Variants in EMP2 observed in about 807,000 individuals in gnomAD.
EMP2 encodes the protein epithelial membrane protein 2.
In EMP2, 19 loss-of-function variants were observed where a neutral mutation model predicts 13.7. That is an observed-to-expected ratio of 1.38 (90% CI 0.97 to 2.03). The LOEUF (loss-of-function observed/expected upper bound fraction) is 2.03. Among genes scored for constraint, EMP2 ranks in the 30% most tolerant of loss-of-function variants. The pLI, the probability that EMP2 is intolerant of heterozygous loss-of-function variation, is 0.00. For missense variants in EMP2, 253 were observed against 220.7 expected (o/e 1.15, Z -0.93); for synonymous variants, 97 against 84.7 (o/e 1.15, Z -0.80).
chr16:10,555,198 C>T (rs1340331856), intron 1 of EMP2, among the ~76,000 whole-genome samples: 1 of 152,214 alleles, frequency 6.6e-6, no homozygotes, highest in Non-Finnish European at 1.5e-5. Flanking sequence ...ATCACCCTAT[C>T]TCAGTGGGAT....
At chr16:10,543,142 C>T (rs969628163) in intron 3 of EMP2, among the ~76,000 whole-genome samples, 1 of 152,152 alleles carries the variant, frequency 6.6e-6, no homozygotes, top group Non-Finnish European at 1.5e-5. Flanking sequence ...CACTGAGCCC[C>T]GCCAGATCTC....
At chr16:10,575,278 G>C (rs1204143295) in intron 1 of EMP2, among the ~76,000 whole-genome samples, 2 of 56,550 alleles carry the variant, frequency 3.5e-5, no homozygotes, top group African/African-American at 1.3e-4. Context: ...TTTTGAGACA[G>C]AGTCTCGCTC....
intron 4 of EMP2, among the ~76,000 whole-genome samples, chr16:10,535,640 G>A (rs2050641250): frequency 6.6e-6 from 1 of 152,092 alleles, no homozygotes; most frequent in Admixed American, 6.5e-5. Flanking sequence ...AGCCCTGGAG[G>A]CCGAGGCTGC....
chr16:10,538,162 G>A (rs2050665583), intron 3 of EMP2, 88 bp from the exon 4 acceptor site: 4 of 1,515,678 alleles, frequency 2.6e-6, no homozygotes, highest in South Asian at 2.4e-5. Context: ...CTCCAGAGTA[G>A]GTGTGACAGG....
chr16:10,556,594 G>C (rs1034656702), intron 1 of EMP2, among the ~76,000 whole-genome samples: 8 of 152,216 alleles, frequency 5.3e-5, no homozygotes, highest in Non-Finnish European at 1.0e-4. Flanking sequence ...CAGATCCCTG[G>C]GGAAGGGGTG....
chr16:10,552,386 T>C (rs2050795069), intron 1 of EMP2, among the ~76,000 whole-genome samples: 1 of 152,202 alleles, frequency 6.6e-6, no homozygotes, highest in Non-Finnish European at 1.5e-5. Context: ...AGGATGGAAT[T>C]AAAATGTTAT....
chr16:10,556,830 A>G (rs2050831809), intron 1 of EMP2, among the ~76,000 whole-genome samples: 1 of 152,216 alleles, frequency 6.6e-6, no homozygotes, highest in Non-Finnish European at 1.5e-5. Flanking sequence ...AGTTCCAAAT[A>G]CAGGGCATTT....
chr16:10,563,825 G>A (rs888687268), intron 1 of EMP2, among the ~76,000 whole-genome samples: 1 of 152,256 alleles, frequency 6.6e-6, no homozygotes, highest in African/African-American at 2.4e-5. Context: ...ACTGTTGGGA[G>A]ATAATGAAGT....
chr16:10,576,733 T>C (rs1258170676), intron 1 of EMP2: 1 of 152,160 alleles, frequency 6.6e-6, no homozygotes, highest in Admixed American at 6.6e-5. Context: ...GCCCCAGGAA[T>C]TCAATTATTC....
rs141522477 is a variant in EMP2 at position 10,566,962 on chromosome 16, C to T, written c.-61+13587G>A. ...TCAGAGTAGTGGACCTTTGCATGTG[C>T]GTATCCCTCTTTCTGGAATGTTCTT... is the stretch of plus-strand genomic sequence containing the variant. On this transcript the variant is annotated intron_variant, in intron 1 of 4. Coordinates refer to ENST00000359543, the MANE Select transcript of EMP2 (RefSeq NM_001424.6). Among the ~76,000 whole-genome samples the T allele has an allele frequency of 2.1e-3, 314 of 152,226 alleles. 2 individuals carry two copies. The highest frequency in any genetic ancestry group is 7.2e-3 in the African/African-American group (299 of 41,526).
At chr16:10,550,722 C>A (rs1226539983) in intron 1 of EMP2, among the ~76,000 whole-genome samples, 1 of 152,164 alleles carries the variant, frequency 6.6e-6, no homozygotes, top group African/African-American at 2.4e-5. Context: ...TGCTTGTAAT[C>A]CCGGCACTTT....
intron 4 of EMP2, among the ~76,000 whole-genome samples, chr16:10,533,518 G>A (rs555531386): frequency 6.6e-6 from 1 of 152,288 alleles, no homozygotes; most frequent in South Asian, 2.1e-4. Flanking sequence ...ATTGGTCTAA[G>A]CCAGAGGTCC....
intron 1 of EMP2, among the ~76,000 whole-genome samples, chr16:10,549,299 G>T (rs901428537): frequency 6.6e-6 from 1 of 152,214 alleles, no homozygotes; most frequent in African/African-American, 2.4e-5. Context: ...AATGTCATGG[G>T]AGATCAGATG....
At chr16:10,540,053 G>A (rs1009172717) in intron 3 of EMP2, among the ~76,000 whole-genome samples, 9 of 152,234 alleles carry the variant, frequency 5.9e-5, no homozygotes, top group Non-Finnish European at 1.3e-4. Context: ...TGGGGGAAAG[G>A]ATGAATAGAT....
At chr16:10,561,022 T>C (rs1412533338) in intron 1 of EMP2, among the ~76,000 whole-genome samples, 1 of 151,912 alleles carries the variant, frequency 6.6e-6, no homozygotes. Flanking sequence ...AAGGATGGAG[T>C]AGCAGGAGGC....
At chr16:10,541,251 GA>G (rs201695276) in intron 3 of EMP2, among the ~76,000 whole-genome samples, 1,890 of 139,882 alleles carry the variant, frequency 0.014, 19 homozygotes, top group South Asian at 0.032. Context: ...AAATACAGTA[GA>G]TTTATGTACA....
chr16:10,568,011 G>A (rs1229915442), intron 1 of EMP2, among the ~76,000 whole-genome samples: 1 of 152,194 alleles, frequency 6.6e-6, no homozygotes, highest in African/African-American at 2.4e-5. Context: ...CTTCACCACC[G>A]TCTTGCCTCA....
Position 10,547,671 on chromosome 16 carries a change from G to T in EMP2, c.-54C>A. The T allele has an allele frequency of 7.0e-6, 11 of 1,572,622 alleles. No individual in the cohort carries two copies. The highest frequency in any genetic ancestry group is 9.6e-6 in the Non-Finnish European group (11 of 1,144,226). ...GGGGTCACGTTTAAAGCCCAGAGCGGGATGTGCTGAAGAGGGTAAGAAAGA... is the reference window on the plus strand; with the variant it reads ...GGGGTCACGTTTAAAGCCCAGAGCGTGATGTGCTGAAGAGGGTAAGAAAGA... On this transcript the variant is annotated 5_prime_UTR_variant, in exon 2 of 5. Transcript: ENST00000359543.
Position 10,532,825 on chromosome 16 carries a change from C to A in EMP2, c.*80G>T. The A allele has an allele frequency of 1.5e-6, 1 of 675,676 alleles. No homozygotes were observed. The highest frequency in any genetic ancestry group is 4.6e-5 in the South Asian group (1 of 21,944). 41.9% of individuals were successfully genotyped at this position (675,676 alleles called of 1,614,324 possible). A position where few individuals can be genotyped will look rare whatever the true frequency, so the allele number is the denominator to read the frequency against. ...AACAATACGTTTGCTAGAAAAACCT[C>A]AAAAAATAATGATTATATACAAAAT... On this transcript the variant is annotated 3_prime_UTR_variant, in exon 5 of 5. Transcript: ENST00000359543.
Sources: gnomAD v4.1 joint callset for allele counts (sites outside exome capture counted in the v4.1 genomes callset) on GRCh38, gnomAD v4.1.1 for gene constraint, MANE v1.5 for transcripts, NCBI Gene and HGNC (gene_info 2026-07-23, HGNC 2026-07-21) for gene names.